The following CELSR1 variants were observed in gnomAD, a reference collection of about 807,000 sequenced individuals.
CELSR1 encodes adhesion G protein-coupled receptor C1.
CELSR1 carries 110 observed loss-of-function variants against 249.1 expected under a neutral mutation model. That is an observed-to-expected ratio of 0.44 (90% CI 0.38 to 0.52). The LOEUF is 0.52. Among genes scored for constraint, CELSR1 ranks in the 20% least tolerant of loss-of-function variants. The pLI is 0.00. For synonymous variants in CELSR1, 2,113 were observed against 1,900.0 expected (o/e 1.11, Z -2.92); for missense variants, 4,109 against 4,296.4 (o/e 0.96, Z 1.22).
rs748393769 is a variant in CELSR1, at chr22:46,536,346, G to C, written c.825C>G (p.Gly275=). 1 of 1,612,620 alleles carries C rather than the reference G, an allele frequency of 6.2e-7. No homozygotes were observed. Among genetic ancestry groups the C allele is most frequent in the South Asian group, 1.1e-5 (1 of 91,086 alleles). The change falls in exon 1 of 35, where the codon GGC becomes GGG. Residue 275 remains glycine (G), a synonymous_variant. Transcript: ENST00000674500. The part of the protein sequence containing the change: ...LQLHAHYTIE[G]EEERVSYYME... ...TGTAATAGCTCACGCGCTCCTCCTC[G>C]CCCTCGATGGTGTAGTGCGCGTGCA...
intron 1 of CELSR1, among the ~76,000 whole-genome samples, chr22:46,492,086 G>C (rs761195312): frequency 6.6e-6 from 1 of 152,218 alleles, no homozygotes; most frequent in Non-Finnish European, 1.5e-5. Flanking sequence ...AGAAGGCAAC[G>C]GTCAGGGCGC....
chr22:46,443,057 C>T (rs8135657), intron 2 of CELSR1, among the ~76,000 whole-genome samples: 1 of 151,788 alleles, frequency 6.6e-6, no homozygotes, highest in Non-Finnish European at 1.5e-5. Context: ...GAGATCGCAC[C>T]GCGGCACTCC....
rs11412661 is a variant in CELSR1, at chr22:46,513,911, G to GCC, written c.3544+19714_3544+19715dup. ...GGGTTCACGCCATTCTCCTGCCTCA[G>GCC]CCCCCCCCGAGTAGCTGGGACTACA... On this transcript the variant is annotated intron_variant, in intron 1 of 34. Transcript: ENST00000674500. Among the ~76,000 whole-genome samples the GCC allele has an allele frequency of 3.6e-3, 538 of 151,018 alleles. 3 individuals are homozygous for GCC. Among genetic ancestry groups the GCC allele is most frequent in the African/African-American group, 8.4e-3 (345 of 40,976 alleles).
rs1031460024 is a variant in CELSR1 at position 46,395,672 on chromosome 22, C to T, written c.5843+933G>A. ...GGGATCACAGCACCTGCTCTAGGCT[C>T]GGGAGGACAAAGAACGGAGCATAGC... is the stretch of plus-strand genomic sequence containing the variant. On this transcript the variant is annotated intron_variant, in intron 13 of 34. Transcript: ENST00000674500. This position sits in a 1 kb window ranked among gnomAD's most constrained non-coding sequence, Gnocchi z 5.5. Among the ~76,000 whole-genome samples the T allele has an allele frequency of 6.6e-6, 1 of 152,170 alleles. No homozygotes were observed. The highest frequency in any genetic ancestry group is 2.4e-5 in the African/African-American group (1 of 41,444).
At chr22:46,419,843 G>A (rs542286198) in intron 5 of CELSR1, among the ~76,000 whole-genome samples, 3 of 150,916 alleles carry the variant, frequency 2.0e-5, no homozygotes, top group African/African-American at 7.3e-5. Flanking sequence ...CCACGCTCAC[G>A]TGCATACCCG....
In CELSR1 at chr22:46,391,054, G is replaced by C; in HGVS notation, c.6250+132C>G. 1.4e-6 allele frequency: 1 copy of C among 710,140 alleles called. No individual in the cohort carries two copies. The highest frequency in any genetic ancestry group is 2.3e-6 in the Non-Finnish European group (1 of 429,516). 44.0% of individuals were successfully genotyped at this position (710,140 alleles called of 1,614,324 possible). ...ATTTCCTGGTAGGGAAAAGGCGATC[G>C]GATTTCTCCCCAGCACTTTGCCTGC... On this transcript the variant is annotated intron_variant, in intron 16 of 34. Coordinates refer to ENST00000674500, the MANE Select transcript of CELSR1 (RefSeq NM_001378328.1). The surrounding 1 kb of genome is among the most constrained non-coding windows in gnomAD (Gnocchi z 4.3).
Position 46,377,044 on chromosome 22 carries a change from G to A in CELSR1, c.7584+17C>T, listed in dbSNP as rs1479270082. ...GCTGCGGCCCAGACAGTGGGGAGGG[G>A]AGCAGAGTGGCCATACCGGGTTTTC... On this transcript the variant is annotated intron_variant, in intron 24 of 34. Transcript: ENST00000674500. 6.2e-7 allele frequency: 1 copy of A among 1,611,170 alleles called. No homozygotes were observed. Among genetic ancestry groups the A allele is most frequent in the Non-Finnish European group, 8.5e-7 (1 of 1,179,498 alleles).
intron 24 of CELSR1, among the ~76,000 whole-genome samples, chr22:46,373,919 C>T (rs1459617110): frequency 1.3e-5 from 2 of 152,202 alleles, no homozygotes; most frequent in African/African-American, 4.8e-5. Flanking sequence ...CAACCCCAGG[C>T]TTAAGGCCAC....
In CELSR1 at chr22:46,511,305, G is replaced by A. The variant is rs77053659; in HGVS notation, c.3544+22322C>T. 8.2e-3 allele frequency among the ~76,000 whole-genome samples: 1,242 copies of A among 152,158 alleles called. 18 individuals are homozygous for A. Among genetic ancestry groups the A allele is most frequent in the African/African-American group, 0.029 (1,193 of 41,514 alleles). The stretch of plus-strand genomic sequence containing the variant: ...CCTGGAGACTCCCTGAGAACCACAC[G>A]CAAAGCAGGTGCCCCCGGCTCTTCC... On this transcript the variant is annotated intron_variant, in intron 1 of 34. Transcript: ENST00000674500.
Position 46,385,975 on chromosome 22 carries a change from C to CTTTTT in CELSR1, c.6739+422_6739+426dup, listed in dbSNP as rs562430150. 1.8e-3 allele frequency among the ~76,000 whole-genome samples: 253 copies of CTTTTT among 137,690 alleles called. 5 individuals are homozygous for CTTTTT. Among genetic ancestry groups the CTTTTT allele is most frequent in the African/African-American group, 5.6e-3 (193 of 34,260 alleles). 90.3% of individuals were successfully genotyped at this position (137,690 alleles called of 152,430 possible). ...TACAGGCGTGAGCCACCGCGCCCGG[C>CTTTTT]TTTTTTTTTTTTGAGATGGAGTCTC... On this transcript the variant is annotated intron_variant, in intron 19 of 34. Coordinates refer to ENST00000674500, the MANE Select transcript of CELSR1 (RefSeq NM_001378328.1).
At position 46,536,051 on chromosome 22, in the gene CELSR1, T is replaced by C. The variant is rs764217084; in HGVS notation, c.1120A>G (p.Thr374Ala). Residue 374 changes from threonine to alanine, a missense_variant, in exon 1 of 35, where the codon ACC becomes GCC. By Grantham distance (58) the Thr-to-Ala change is moderately conservative (BLOSUM62 0). Transcript: ENST00000674500. ...GAGTCGCGGTCGCTGGCGCGGATGG[T>C]CAGCACCTCGTAGCCCACCTCCAGG... ...ENLEVGYEVLTIRASDRDSPI... is the reference protein window; with the variant it reads ...ENLEVGYEVLAIRASDRDSPI... 2.5e-6 allele frequency: 4 copies of C among 1,610,808 alleles called. No homozygotes were observed. The highest frequency in any genetic ancestry group is 1.1e-5 in the South Asian group (1 of 91,068).
intron 9 of CELSR1, among the ~76,000 whole-genome samples, chr22:46,400,282 T>A (rs1221015617): frequency 6.7e-6 from 1 of 149,736 alleles, no homozygotes; most frequent in Non-Finnish European, 1.5e-5. Flanking sequence ...TGAGCTGAGA[T>A]CGCAGCATTG....
At chr22:46,528,540 A>G (rs768130109) in intron 1 of CELSR1, among the ~76,000 whole-genome samples, 13 of 152,240 alleles carry the variant, frequency 8.5e-5, no homozygotes, top group Non-Finnish European at 1.3e-4. Flanking sequence ...CCACGGACAC[A>G]CACTCAAAGT....
Position 46,384,671 on chromosome 22 carries a change from A to G in CELSR1, c.6755T>C (p.Ile2252Thr), listed in dbSNP as rs1376215226. 1.2e-6 allele frequency: 2 copies of G among 1,612,980 alleles called. No homozygotes were observed. Among genetic ancestry groups the G allele is most frequent in the Non-Finnish European group, 1.7e-6 (2 of 1,179,528 alleles). The change falls in exon 20 of 35, where the codon ATC (isoleucine) becomes ACC (threonine). Residue 2252 changes from isoleucine (I) to threonine (T), a missense_variant. Around this residue, in one of 7 missense-constraint regions of CELSR1, gnomAD observed 1,805 missense variants for 1,831.6 expected, o/e 0.99. Transcript: ENST00000674500. Reference sequence around the variant, plus strand: ...TCCCGTAAAGTTGAACTTGTCAAAGATGTCGACAGCAAGAACTGGGGGGAC... The same window carrying G: ...TCCCGTAAAGTTGAACTTGTCAAAGGTGTCGACAGCAAGAACTGGGGGGAC... Reference protein sequence around the residue: ...VTANMILAVDIFDKFNFTGAR... With the variant: ...VTANMILAVDTFDKFNFTGAR...
At chr22:46,382,751 G>A (rs373222389) in intron 20 of CELSR1, among the ~76,000 whole-genome samples, 64 of 152,294 alleles carry the variant, frequency 4.2e-4, no homozygotes, top group Admixed American at 7.2e-4. Context: ...TTGCTGCGGC[G>A]CAGGTGAACC....
At position 46,518,346 on chromosome 22, in the gene CELSR1, C is replaced by A. The variant is rs16995346; in HGVS notation, c.3544+15281G>T. The stretch of plus-strand genomic sequence containing the variant: ...GCAGGGGCGCTCAGCCCGTGCCACA[C>A]TCAGTCTCGTTAGAGGAGAACGAAG... On this transcript the variant is annotated intron_variant, in intron 1 of 34. Transcript: ENST00000674500. This position sits in a 1 kb window ranked among gnomAD's most constrained non-coding sequence, Gnocchi z 5.2. Among the ~76,000 whole-genome samples the A allele has an allele frequency of 7.7e-3, 1,177 of 152,362 alleles. 12 individuals are homozygous for A. Among genetic ancestry groups the A allele is most frequent in the African/African-American group, 0.027 (1,110 of 41,588 alleles).
In CELSR1 at chr22:46,534,712, T is replaced by C. The variant is rs2080831350; in HGVS notation, c.2459A>G (p.Glu820Gly). 29 of 1,613,264 alleles carry C rather than the reference T, an allele frequency of 1.8e-5. No homozygotes were observed. Among genetic ancestry groups the C allele is most frequent in the Non-Finnish European group, 2.5e-5 (29 of 1,180,026 alleles). Reference protein sequence around the residue: ...TLSANDEDTGENARITYVIQD... With the variant: ...TLSANDEDTGGNARITYVIQD... ...AATCACGTAGGTGATGCGGGCATTC[T>C]CTCCTGTGTCCTCATCGTTGGCACT... Residue 820 changes from glutamate (E) to glycine (G), a missense_variant, in exon 1 of 35, where the codon GAG becomes GGG. By Grantham distance (98) the Glu-to-Gly change is moderately conservative. This residue lies in a region of CELSR1 where 886 missense variants were observed against 896.5 expected (regional missense o/e 0.99). Transcript: ENST00000674500. This position sits in a 1 kb window ranked among gnomAD's most constrained non-coding sequence, Gnocchi z 9.7.
intron 27 of CELSR1, among the ~76,000 whole-genome samples, chr22:46,368,118 A>C (rs2078808275): frequency 6.6e-6 from 1 of 152,184 alleles, no homozygotes; most frequent in African/African-American, 2.4e-5. Context: ...AGGAGCTGTG[A>C]GGACTACACC....
At chr22:46,373,800 A>G (rs985230503) in intron 24 of CELSR1, among the ~76,000 whole-genome samples, 3 of 151,976 alleles carry the variant, frequency 2.0e-5, no homozygotes, top group African/African-American at 7.3e-5. Flanking sequence ...CTCTGGACAC[A>G]CTGTCTAATC....
Sources: allele counts gnomAD v4.1 joint callset (sites outside exome capture counted in the v4.1 genomes callset), GRCh38; gene constraint gnomAD v4.1.1; regional missense constraint gnomAD v4.1.1; non-coding constraint Gnocchi (gnomAD v3.1); transcripts MANE v1.5; gene names NCBI Gene and HGNC (gene_info 2026-07-23, HGNC 2026-07-21).